Variants in REPS2 observed in about 807,000 individuals in gnomAD.
REPS2 encodes ralBP1-associated Eps domain-containing protein 2.
A neutral mutation model predicts 53.6 loss-of-function variants in REPS2; 23 were observed. The observed-to-expected ratio is 0.43, with a 90% CI of 0.31 to 0.61. The LOEUF is 0.61. Among genes scored for constraint, REPS2 ranks in the 20% least tolerant of loss-of-function variants. REPS2 has a pLI of 0.11. For synonymous variants in REPS2, 238 were observed against 218.6 expected (o/e 1.09, Z -0.78); for missense variants, 446 against 534.9 (o/e 0.83, Z 1.64).
At chrX:17,017,804 C>T (rs1283001091) in intron 2 of REPS2, among the ~76,000 whole-genome samples, 1 of 111,190 alleles carries the variant, frequency 9.0e-6, no homozygotes, top group Non-Finnish European at 1.9e-5. Flanking sequence ...CCAGTAGCTG[C>T]ATGTGGCTGT....
chrX:17,114,625 T>A (rs889334021), intron 14 of REPS2, among the ~76,000 whole-genome samples: 4 of 112,537 alleles, frequency 3.6e-5, no homozygotes, highest in African/African-American at 1.3e-4. Context: ...TTTACCAGAA[T>A]AAAATGACCT....
At position 17,081,834 on chromosome X, in the gene REPS2, TAA is replaced by T. The variant is rs1449255156; in HGVS notation, c.1516+4428_1516+4429del. On this transcript the variant is annotated intron_variant, in intron 13 of 17. Coordinates refer to ENST00000357277, the MANE Select transcript of REPS2 (RefSeq NM_004726.3). ...GATAGCAAAAATGTGCAAGAAAGTC[TAA>T]GTCAGTGACAATGCAAGTATGCAAA... 4.5e-5 allele frequency among the ~76,000 whole-genome samples: 5 copies of T among 112,154 alleles called. No homozygotes were observed. In the East Asian group the frequency reaches 1.1e-3, roughly 25 times the overall value.
At chrX:17,160,980 G>A in the REPS2 span, among the ~76,000 whole-genome samples, 1 of 112,078 alleles carries the variant, frequency 8.9e-6, no homozygotes, top group Non-Finnish European at 1.9e-5. Flanking sequence ...AGAAGTTGTA[G>A]GGATTATATC....
At chrX:17,194,664 T>C in the REPS2 span, among the ~76,000 whole-genome samples, 23 of 111,617 alleles carry the variant, frequency 2.1e-4, no homozygotes, top group Non-Finnish European at 4.1e-4. Flanking sequence ...ATATCTTGAG[T>C]GTGGTGGTAG....
chrX:17,167,600 G>C, the REPS2 span, among the ~76,000 whole-genome samples: 2 of 106,534 alleles, frequency 1.9e-5, no homozygotes, highest in African/African-American at 6.9e-5. Flanking sequence ...TCTCAAGACT[G>C]GGGGGAGCGG....
intron 14 of REPS2, among the ~76,000 whole-genome samples, chrX:17,110,986 C>T (rs751147849): frequency 8.9e-6 from 1 of 111,848 alleles, no homozygotes; most frequent in Non-Finnish European, 1.9e-5. Context: ...TGCACTCCAG[C>T]GTGGGTGACA....
At chrX:17,156,003 C>T (rs2063611038), downstream of REPS2, among the ~76,000 whole-genome samples, 1 of 111,823 alleles carries the variant, frequency 8.9e-6, no homozygotes, top group South Asian at 3.8e-4. Context: ...CAAGAGTGCT[C>T]TATGAGTTTA....
intron 12 of REPS2, among the ~76,000 whole-genome samples, chrX:17,075,922 C>T (rs1450507017): frequency 9.0e-6 from 1 of 111,718 alleles, no homozygotes. Context: ...AGAACCTTGT[C>T]CTTCCGTATC....
intron 6 of REPS2, among the ~76,000 whole-genome samples, chrX:17,049,526 T>G (rs1052416033): frequency 1.8e-5 from 2 of 112,290 alleles, no homozygotes; most frequent in South Asian, 7.2e-4. Context: ...ATTAAAAATT[T>G]TAAAAATAGA....
chrX:17,054,427 C>T, intron 7 of REPS2, among the ~76,000 whole-genome samples: 1 of 112,125 alleles, frequency 8.9e-6, no homozygotes, highest in South Asian at 3.6e-4. Context: ...CACCCTTCCT[C>T]TGACTGTTTT....
the REPS2 span, among the ~76,000 whole-genome samples, chrX:17,182,595 A>C: frequency 3.6e-5 from 4 of 112,142 alleles, no homozygotes; most frequent in African/African-American, 1.3e-4. Context: ...GTACAGTCAG[A>C]ACTCACAGAG....
chrX:17,174,933 A>G, the REPS2 span, among the ~76,000 whole-genome samples: 3 of 113,122 alleles, frequency 2.7e-5, no homozygotes, highest in African/African-American at 9.6e-5. Context: ...GCTGCCCGCC[A>G]CTGGAGCTGG....
At chrX:16,963,727 C>T (rs2060695119) in intron 1 of REPS2, among the ~76,000 whole-genome samples, 1 of 111,566 alleles carries the variant, frequency 9.0e-6, no homozygotes, top group South Asian at 3.8e-4. Flanking sequence ...CAAGGTTGCG[C>T]TGGGGGGGCC....
chrX:17,026,665 G>A (rs2061649504), intron 4 of REPS2, among the ~76,000 whole-genome samples: 1 of 111,277 alleles, frequency 9.0e-6, no homozygotes, highest in Admixed American at 9.6e-5. Flanking sequence ...TGGTAAGGAA[G>A]CAGCTTGCTT....
intron 5 of REPS2, among the ~76,000 whole-genome samples, chrX:17,040,403 T>A (rs2061816468): frequency 8.9e-6 from 1 of 112,138 alleles, no homozygotes; most frequent in Non-Finnish European, 1.9e-5. Flanking sequence ...TTTCGAATGT[T>A]TGTTTGTTTA....
Position 17,133,870 on chromosome X carries a change from C to G in REPS2, c.1625C>G (p.Ala542Gly). 8.3e-7 allele frequency: 1 copy of G among 1,211,193 alleles called. No individual in the cohort carries two copies. Among genetic ancestry groups the G allele is most frequent in the Non-Finnish European group, 1.1e-6 (1 of 894,887 alleles). ...GAGTTACTCCCACAGCTGAGCAGAG[C>G]CCCATCCCAGGCTGCAGAAAGTAGT... ...EAELLPQLSR[A>G]PSQAAESSPA... Residue 542 changes from alanine (A) to glycine (G), a missense_variant, in exon 15 of 18, where the codon GCC becomes GGC. Transcript: ENST00000357277.
chrX:17,096,184 C>T (rs926178529), intron 13 of REPS2, among the ~76,000 whole-genome samples: 5 of 111,335 alleles, frequency 4.5e-5, no homozygotes, highest in African/African-American at 1.3e-4. Flanking sequence ...CTGGCAGAAG[C>T]GATAGAGGGA....
At chrX:17,145,924 G>A (rs1475515986) in intron 17 of REPS2, among the ~76,000 whole-genome samples, 6 of 110,619 alleles carry the variant, frequency 5.4e-5, no homozygotes, top group Non-Finnish European at 9.5e-5. Flanking sequence ...CCTGGCTAAC[G>A]TGGTGAAACC....
intron 8 of REPS2, among the ~76,000 whole-genome samples, chrX:17,061,414 A>G (rs2062157470): frequency 8.9e-6 from 1 of 112,363 alleles, no homozygotes. Flanking sequence ...TGCTGTCATT[A>G]CAGGTGTGAG....
Sources: allele counts gnomAD v4.1 joint callset (sites outside exome capture counted in the v4.1 genomes callset), GRCh38; gene constraint gnomAD v4.1.1; transcripts MANE v1.5; gene names NCBI Gene and HGNC (gene_info 2026-07-23, HGNC 2026-07-21).